The following GTSF1 variants were observed in gnomAD, a reference collection of about 807,000 sequenced individuals.
The protein encoded by GTSF1 is gametocyte-specific factor 1.
In GTSF1, 11 loss-of-function variants were observed where a neutral mutation model predicts 28.9. The ratio of observed to expected loss-of-function variants is 0.38; its 90% CI spans 0.24 to 0.63. The LOEUF (loss-of-function observed/expected upper bound fraction) is 0.63. Ranked by LOEUF, GTSF1 falls within the 30% of genes least tolerant of loss-of-function variation. GTSF1 has a pLI of 0.56. For synonymous variants in GTSF1, 69 were observed against 65.6 expected (o/e 1.05, Z -0.25); for missense variants, 146 against 201.0 (o/e 0.73, Z 1.66).
chr12:54,464,457 A>G (rs1956477182), intron 3 of GTSF1, among the ~76,000 whole-genome samples: 1 of 152,188 alleles, frequency 6.6e-6, no homozygotes, highest in Non-Finnish European at 1.5e-5. Context: ...CCAAGCATAA[A>G]TTCTAGCAGA....
At chr12:54,464,033 C>T (rs1296141687) in intron 3 of GTSF1, among the ~76,000 whole-genome samples, 1 of 152,078 alleles carries the variant, frequency 6.6e-6, no homozygotes, top group African/African-American at 2.4e-5. Context: ...AAAGATATGT[C>T]ATAAATGAAA....
At chr12:54,464,883 A>C in intron 3 of GTSF1, 184 bp downstream of exon 3, 1 of 414,892 alleles carries the variant, frequency 2.4e-6, no homozygotes, top group Non-Finnish European at 4.4e-6. Flanking sequence ...GAAAACCAAA[A>C]CAAGAAAAAA....
intron 3 of GTSF1, among the ~76,000 whole-genome samples, chr12:54,463,720 T>A (rs1326868583): frequency 6.6e-6 from 1 of 152,190 alleles, no homozygotes; most frequent in African/African-American, 2.4e-5. Flanking sequence ...TAGTCTGCAT[T>A]GCAGTAGTGT....
At chr12:54,461,409 A>C (rs535829646) in intron 6 of GTSF1, among the ~76,000 whole-genome samples, 3 of 152,180 alleles carry the variant, frequency 2.0e-5, no homozygotes, top group African/African-American at 7.2e-5. Flanking sequence ...TTTCAATTAG[A>C]GCTGGGCATG....
chr12:54,473,118 T>A (rs1410581314), intron 1 of GTSF1, among the ~76,000 whole-genome samples: 1 of 152,170 alleles, frequency 6.6e-6, no homozygotes, highest in Non-Finnish European at 1.5e-5. Context: ...CGGGATTCTT[T>A]ACCTTTTCCC....
At chr12:54,462,297 C>T in intron 5 of GTSF1, 125 bp from the exon 6 acceptor site, 1 of 670,144 alleles carries the variant, frequency 1.5e-6, no homozygotes, top group Non-Finnish European at 2.7e-6. Flanking sequence ...AAAAATTGAT[C>T]AAGTGTCCTG....
In GTSF1 at chr12:54,456,698, C is replaced by T. The variant is rs59066901; in HGVS notation, c.*21-545G>A. ...TATGTATATTCAAAAACATTTCACT[C>T]ACACTTAAGTTCCTTAAGGGCATAG... On this transcript the variant is annotated intron_variant, in intron 8 of 8. Transcript: ENST00000305879. 4.4e-3 allele frequency among the ~76,000 whole-genome samples: 667 copies of T among 152,264 alleles called. 5 individuals carry two copies. Among genetic ancestry groups the T allele is most frequent in the African/African-American group, 0.015 (614 of 41,554 alleles).
intron 2 of GTSF1, chr12:54,466,981 C>T (rs1956526251): frequency 6.6e-6 from 1 of 151,944 alleles, no homozygotes; most frequent in African/African-American, 2.4e-5. Flanking sequence ...ATTAAAAACA[C>T]ATATAAAATT....
intron 8 of GTSF1, among the ~76,000 whole-genome samples, chr12:54,458,370 T>C (rs556081036): frequency 6.6e-6 from 1 of 152,274 alleles, no homozygotes; most frequent in South Asian, 2.1e-4. Context: ...GCTTTTATTT[T>C]TTAAATTTTA....
chr12:54,471,447 A>C (rs1956593068), intron 1 of GTSF1, among the ~76,000 whole-genome samples, 170 bp from the exon 2 acceptor site: 1 of 152,112 alleles, frequency 6.6e-6, no homozygotes, highest in African/African-American at 2.4e-5. Context: ...TTCTTCTTGG[A>C]ATCATTTTAA....
chr12:54,465,071 C>T lies in GTSF1; in HGVS notation c.113G>A (p.Arg38Lys), dbSNP rs1451548419. ...CRFPYHLIKCRKNHPDVASKL... is the reference protein window; with the variant it reads ...CRFPYHLIKCKKNHPDVASKL... The stretch of plus-strand genomic sequence containing the variant: ...GAGGGCAAATTATGACCCTACCTTT[C>T]TGCACTTGATAAGATGATAAGGAAA... The change falls in exon 3 of 9, where the codon AGA becomes AAA. Residue 38 changes from arginine (R) to lysine (K), a missense_variant. Physicochemically the swap from Arg to Lys is conservative, Grantham distance 26. Transcript: ENST00000305879. The T allele has an allele frequency of 5.6e-6, 9 of 1,611,316 alleles. No homozygotes were observed. In the Admixed American group the frequency reaches 1.5e-4, roughly 27 times the overall value.
chr12:54,466,565 A>G (rs2120778944), intron 2 of GTSF1, among the ~76,000 whole-genome samples: 1 of 152,340 alleles, frequency 6.6e-6, no homozygotes, highest in Non-Finnish European at 1.5e-5. Context: ...GGGAGAATTT[A>G]CAGATGAAAT....
At chr12:54,466,397 A>G (rs9325158) in intron 2 of GTSF1, among the ~76,000 whole-genome samples, 11,575 of 152,292 alleles carry the variant, frequency 0.076, 518 homozygotes, top group South Asian at 0.099. Flanking sequence ...CATGGAATAA[A>G]TTGCCAACCA....
chr12:54,472,883 T>C (rs1347383073), intron 1 of GTSF1, among the ~76,000 whole-genome samples: 2 of 152,252 alleles, frequency 1.3e-5, no homozygotes, highest in African/African-American at 2.4e-5. Context: ...ATTTCACTTA[T>C]ACATAGTTAC....
Position 54,462,665 on chromosome 12 carries a change from G to A in GTSF1, c.305C>T (p.Pro102Leu), listed in dbSNP as rs2120752032. 1 of 1,613,794 alleles carries A rather than the reference G, an allele frequency of 6.2e-7. No homozygotes were observed. The highest frequency in any genetic ancestry group is 1.3e-5 in the African/African-American group (1 of 75,038). The change falls in exon 5 of 9, where the codon CCT (proline) becomes CTT (leucine). Residue 102 changes from proline to leucine, a missense_variant. Transcript: ENST00000305879. ...ACCTTTATCCCAGTCTTCATCGCAA[G>A]GAGGGCACTGCCAAGTGCTCTCAGC... ...TLAESTWQCP[P>L]CDEDWDKDLW... is the part of the protein sequence containing the mutation.
chr12:54,471,104 C>T (rs1956587865), intron 2 of GTSF1, 129 bp downstream of exon 2: 2 of 575,000 alleles, frequency 3.5e-6, no homozygotes, highest in South Asian at 4.2e-5. Context: ...TTGGGCAATA[C>T]CATAAAGACT....
At chr12:54,460,530 TAAG>T in intron 6 of GTSF1, 59 bp from the exon 7 acceptor site, 2 of 1,104,408 alleles carry the variant, frequency 1.8e-6, no homozygotes, top group Non-Finnish European at 2.7e-6. Context: ...CAGGCACACG[TAAG>T]ATAATCAAAA....
intron 7 of GTSF1, chr12:54,459,726 T>C: frequency 2.0e-4 from 25 of 126,942 alleles, no homozygotes; most frequent in South Asian, 6.8e-4. Flanking sequence ...TTATGCCTTT[T>C]TTTTTTTTTT....
rs781339250 is a variant in GTSF1 at position 54,460,367 on chromosome 12, T to C, written c.487+10A>G. On this transcript the variant is annotated intron_variant, in intron 7 of 8. Transcript: ENST00000305879. ...AAAGAGTAAAACTATTTTGTCTCTA[T>C]TTCACTTACTGTTTTTCCATGGCAG... is the stretch of plus-strand genomic sequence containing the variant. The C allele has an allele frequency of 3.8e-6, 6 of 1,588,798 alleles. No individual in the cohort carries two copies. In the East Asian group the frequency reaches 1.3e-4, roughly 35 times the overall value.
Sources: allele counts gnomAD v4.1 joint callset (sites outside exome capture counted in the v4.1 genomes callset), GRCh38; gene constraint gnomAD v4.1.1; transcripts MANE v1.5; gene names NCBI Gene and HGNC (gene_info 2026-07-23, HGNC 2026-07-21).